Variants in TFEC observed in about 807,000 individuals in gnomAD.
TFEC encodes the protein transcription factor EC, also known as class E basic helix-loop-helix protein 34.
A neutral mutation model predicts 41.6 loss-of-function variants in TFEC; 31 were observed. That is an observed-to-expected ratio of 0.74 (90% CI 0.56 to 1.01). The LOEUF (loss-of-function observed/expected upper bound fraction) is 1.01, where lower values mean the gene tolerates loss of function less well. TFEC is among the 50% of genes least tolerant of loss of function. TFEC has a pLI of 0.00. For missense variants in TFEC, 402 were observed against 404.1 expected (o/e 0.99, Z 0.04); for synonymous variants, 143 against 140.6 (o/e 1.02, Z -0.12).
chr7:115,962,824 T>C (rs1487954390), intron 3 of TFEC, among the ~76,000 whole-genome samples: 1 of 151,866 alleles, frequency 6.6e-6, no homozygotes, highest in African/African-American at 2.4e-5. Context: ...AATCTTAAAC[T>C]CAACAACAAA....
intron 2 of TFEC, among the ~76,000 whole-genome samples, chr7:115,976,947 G>C (rs2130622964): frequency 6.6e-6 from 1 of 152,180 alleles, no homozygotes; most frequent in East Asian, 1.9e-4. Flanking sequence ...ACTTTTCTTT[G>C]TTACATGAGA....
At chr7:115,950,482 T>C (rs894786360) in intron 6 of TFEC, among the ~76,000 whole-genome samples, 1 of 152,130 alleles carries the variant, frequency 6.6e-6, no homozygotes, top group Non-Finnish European at 1.5e-5. Flanking sequence ...TTGGAAAATC[T>C]AACAATTCTA....
chr7:116,018,699 A>G (rs1158348186), intron 1 of TFEC, among the ~76,000 whole-genome samples: 2 of 152,218 alleles, frequency 1.3e-5, no homozygotes, highest in Non-Finnish European at 2.9e-5. Flanking sequence ...AAATTCGTCT[A>G]TTGAGTGTAT....
intron 1 of TFEC, among the ~76,000 whole-genome samples, chr7:115,989,552 T>C (rs1182191169): frequency 6.6e-6 from 1 of 152,114 alleles, no homozygotes; most frequent in Non-Finnish European, 1.5e-5. Flanking sequence ...ACCCTAATAC[T>C]GCGCTTTTCC....
chr7:116,090,122 C>A (rs1397203725), intron 3 of TFEC, among the ~76,000 whole-genome samples: 1 of 152,190 alleles, frequency 6.6e-6, no homozygotes, highest in East Asian at 1.9e-4. Context: ...CAAATCCCCA[C>A]GTTTTTCTGC....
At chr7:116,114,563 G>T (rs892511135) in intron 1 of TFEC, among the ~76,000 whole-genome samples, 2 of 151,930 alleles carry the variant, frequency 1.3e-5, no homozygotes, top group African/African-American at 4.8e-5. Flanking sequence ...TGGATGCTGT[G>T]GGGGTGAAGT....
intron 3 of TFEC, among the ~76,000 whole-genome samples, chr7:115,960,256 AG>A: frequency 6.6e-6 from 1 of 151,758 alleles, no homozygotes; most frequent in Non-Finnish European, 1.5e-5. Flanking sequence ...AAACATTGAA[AG>A]AAAATAAAAC....
chr7:115,971,318 T>A (rs933892112), intron 3 of TFEC, among the ~76,000 whole-genome samples: 3 of 151,920 alleles, frequency 2.0e-5, no homozygotes, highest in Admixed American at 6.6e-5. Context: ...TCCATTAGGA[T>A]GCATTTGTTT....
chr7:115,968,016 T>C (rs1792948852), intron 3 of TFEC, among the ~76,000 whole-genome samples: 1 of 151,778 alleles, frequency 6.6e-6, no homozygotes, highest in Non-Finnish European at 1.5e-5. Flanking sequence ...CTAAAAATAA[T>C]CTTGTAAGTA....
intron 3 of TFEC, among the ~76,000 whole-genome samples, chr7:116,081,003 G>A (rs978056841): frequency 3.4e-5 from 5 of 148,250 alleles, no homozygotes; most frequent in African/African-American, 1.2e-4. Context: ...GTGTGTGTGT[G>A]TGTGTGTGTG....
intron 3 of TFEC, among the ~76,000 whole-genome samples, chr7:115,963,627 G>GA (rs1792684595): frequency 6.6e-6 from 1 of 151,644 alleles, no homozygotes; most frequent in African/African-American, 2.4e-5. Flanking sequence ...GGTGAAACTT[G>GA]AAAAAATTAT....
At chr7:116,123,332 T>G (rs1798146512) in intron 1 of TFEC, among the ~76,000 whole-genome samples, 1 of 152,156 alleles carries the variant, frequency 6.6e-6, no homozygotes, top group South Asian at 2.1e-4. Context: ...TCTTTCATTC[T>G]GAGTCAGTTT....
intron 1 of TFEC, among the ~76,000 whole-genome samples, chr7:115,987,046 C>G (rs1187625054): frequency 6.6e-6 from 1 of 152,038 alleles, no homozygotes; most frequent in East Asian, 1.9e-4. Context: ...GCAAGAATAC[C>G]ATCTCCTCTT....
chr7:116,156,948 T>C (rs1232844964), intron 1 of TFEC, among the ~76,000 whole-genome samples: 1 of 152,170 alleles, frequency 6.6e-6, no homozygotes, highest in Non-Finnish European at 1.5e-5. Context: ...ATTGATACTT[T>C]TTTTGTCTTA....
upstream of TFEC, among the ~76,000 whole-genome samples, chr7:116,034,247 G>C (rs545541256): frequency 6.6e-6 from 1 of 151,824 alleles, no homozygotes; most frequent in South Asian, 2.1e-4. Flanking sequence ...CATTACCTTG[G>C]CTATATCATG....
At chr7:116,106,911 T>A (rs1797731492) in intron 3 of TFEC, among the ~76,000 whole-genome samples, 1 of 152,210 alleles carries the variant, frequency 6.6e-6, no homozygotes, top group African/African-American at 2.4e-5. Flanking sequence ...ATTTTTCTTT[T>A]AATTGCATAG....
chr7:115,955,067 T>C (rs1381546966), intron 4 of TFEC, among the ~76,000 whole-genome samples: 2 of 152,094 alleles, frequency 1.3e-5, no homozygotes, highest in Non-Finnish European at 2.9e-5. Flanking sequence ...CTAAATATTT[T>C]ATTAGTAATT....
At chr7:116,014,681 C>T (rs1397205019) in intron 1 of TFEC, among the ~76,000 whole-genome samples, 1 of 152,066 alleles carries the variant, frequency 6.6e-6, no homozygotes, top group East Asian at 1.9e-4. Context: ...TTACATTATA[C>T]AAGGAGTTTT....
chr7:116,127,840 T>C (rs1284184385), intron 1 of TFEC, among the ~76,000 whole-genome samples: 1 of 152,144 alleles, frequency 6.6e-6, no homozygotes, highest in Non-Finnish European at 1.5e-5. Flanking sequence ...GGCTTATCTA[T>C]GTTGCCTTTT....
Sources: allele counts gnomAD v4.1 joint callset (sites outside exome capture counted in the v4.1 genomes callset), GRCh38; gene constraint gnomAD v4.1.1; transcripts MANE v1.5; gene names NCBI Gene and HGNC (gene_info 2026-07-23, HGNC 2026-07-21).